The following STXBP5L variants were observed in gnomAD, a reference collection of about 807,000 sequenced individuals.
STXBP5L encodes the protein syntaxin-binding protein 5-like.
A neutral mutation model predicts 144.5 loss-of-function variants in STXBP5L; 65 were observed. The observed-to-expected ratio is 0.45, with a 90% confidence interval of 0.37 to 0.55. The LOEUF is 0.55. Among genes scored for constraint, STXBP5L ranks in the 20% least tolerant of loss-of-function variants. STXBP5L has a pLI of 0.00. For missense variants in STXBP5L, 1,298 were observed against 1,405.5 expected (o/e 0.92, Z 1.22); for synonymous variants, 505 against 469.6 (o/e 1.08, Z -0.97).
intron 23 of STXBP5L, among the ~76,000 whole-genome samples, chr3:121,412,727 CAAA>C (rs35247157): frequency 3.3e-3 from 231 of 69,594 alleles, no homozygotes; most frequent in African/African-American, 0.013. Flanking sequence ...TTTCTCCCTC[CAAA>C]AAAAAAAAAA....
chr3:121,047,818 T>G (rs1947628260), intron 5 of STXBP5L, among the ~76,000 whole-genome samples: 1 of 152,212 alleles, frequency 6.6e-6, no homozygotes, highest in Non-Finnish European at 1.5e-5. Flanking sequence ...ACTCTGTGCC[T>G]TTTAATTGGA....
chr3:121,090,935 C>A (rs2042753529), intron 5 of STXBP5L, among the ~76,000 whole-genome samples: 1 of 123,248 alleles, frequency 8.1e-6, no homozygotes, highest in Non-Finnish European at 1.7e-5. Context: ...CCCCTCCCCC[C>A]ACCCCACAAC....
intron 3 of STXBP5L, among the ~76,000 whole-genome samples, chr3:121,026,555 G>A (rs1945958653): frequency 6.6e-6 from 1 of 152,034 alleles, no homozygotes; most frequent in Non-Finnish European, 1.5e-5. Flanking sequence ...GTGCTCAATG[G>A]TTTGGCAGTT....
chr3:121,036,744 C>T (rs1946777726), intron 3 of STXBP5L, among the ~76,000 whole-genome samples: 1 of 139,332 alleles, frequency 7.2e-6, no homozygotes, highest in South Asian at 2.3e-4. Flanking sequence ...GTTTTGTTTT[C>T]AGTTGATAGG....
At chr3:121,013,848 T>C (rs1227447834) in intron 3 of STXBP5L, among the ~76,000 whole-genome samples, 1 of 152,138 alleles carries the variant, frequency 6.6e-6, no homozygotes, top group Admixed American at 6.6e-5. Context: ...AGTTTCATTC[T>C]ACATATGGTT....
At chr3:120,974,219 T>G (rs1240281029) in intron 3 of STXBP5L, among the ~76,000 whole-genome samples, 1 of 152,176 alleles carries the variant, frequency 6.6e-6, no homozygotes, top group Non-Finnish European at 1.5e-5. Flanking sequence ...TCCTGACTTT[T>G]TAATGATTGC....
At chr3:121,254,575 G>A (rs1477353991) in intron 15 of STXBP5L, among the ~76,000 whole-genome samples, 1 of 152,094 alleles carries the variant, frequency 6.6e-6, no homozygotes, top group Admixed American at 6.6e-5. Flanking sequence ...TAGACTTTCT[G>A]TGCCCCAATA....
intron 3 of STXBP5L, among the ~76,000 whole-genome samples, chr3:121,031,989 C>T (rs1188500912): frequency 1.3e-5 from 2 of 152,002 alleles, no homozygotes; most frequent in Admixed American, 6.6e-5. Context: ...CAGTTTGTTA[C>T]GTGCTAAGTA....
intron 3 of STXBP5L, among the ~76,000 whole-genome samples, chr3:120,985,692 T>G (rs947033777): frequency 2.6e-5 from 4 of 152,044 alleles, no homozygotes; most frequent in African/African-American, 9.7e-5. Flanking sequence ...TTCTAGATTC[T>G]TCAGTTGGTT....
intron 20 of STXBP5L, among the ~76,000 whole-genome samples, chr3:121,364,005 T>A (rs2045792484): frequency 6.6e-6 from 1 of 152,218 alleles, no homozygotes. Context: ...ACTCTGTTGA[T>A]AGTGTCATTT....
intron 9 of STXBP5L, among the ~76,000 whole-genome samples, chr3:121,171,323 T>A (rs969629826): frequency 1.3e-5 from 2 of 152,136 alleles, no homozygotes; most frequent in African/African-American, 4.8e-5. Context: ...CTCTCACCAC[T>A]GCTATTCAAC....
chr3:121,316,446 A>T (rs2108526599), intron 19 of STXBP5L, among the ~76,000 whole-genome samples: 1 of 152,300 alleles, frequency 6.6e-6, no homozygotes, highest in South Asian at 2.1e-4. Context: ...TAACATATAC[A>T]TCATGCTTTC....
At chr3:120,988,411 T>G (rs903360214) in intron 3 of STXBP5L, among the ~76,000 whole-genome samples, 5 of 152,036 alleles carry the variant, frequency 3.3e-5, no homozygotes, top group African/African-American at 1.2e-4. Flanking sequence ...GGAAACCTTC[T>G]TCTTGTTTTG....
chr3:120,957,963 C>G (rs533530129), intron 3 of STXBP5L, among the ~76,000 whole-genome samples: 4 of 152,180 alleles, frequency 2.6e-5, no homozygotes, highest in South Asian at 4.2e-4. Context: ...ATCAACGAAT[C>G]CAGGAGCTGG....
intron 3 of STXBP5L, among the ~76,000 whole-genome samples, chr3:121,010,499 C>T (rs984093564): frequency 2.6e-5 from 4 of 151,418 alleles, no homozygotes; most frequent in African/African-American, 9.7e-5. Flanking sequence ...ACCATCAATC[C>T]TGGCAAGCAG....
At chr3:121,076,236 C>A (rs1320946755) in intron 5 of STXBP5L, among the ~76,000 whole-genome samples, 1 of 152,160 alleles carries the variant, frequency 6.6e-6, no homozygotes, top group Non-Finnish European at 1.5e-5. Flanking sequence ...GCTTTTCAGG[C>A]AAGGGCTCTG....
At chr3:121,010,157 A>G (rs7642063) in intron 3 of STXBP5L, among the ~76,000 whole-genome samples, 15,051 of 151,818 alleles carry the variant, frequency 0.099, 1,176 homozygotes, top group Admixed American at 0.2. Context: ...ATAGTGTTTT[A>G]AGTCTCCAAG....
At chr3:121,210,067 C>G (rs1165847598) in intron 10 of STXBP5L, among the ~76,000 whole-genome samples, 1 of 152,142 alleles carries the variant, frequency 6.6e-6, no homozygotes, top group African/African-American at 2.4e-5. Flanking sequence ...AAAAGTGTTC[C>G]TATTTCTCCA....
At chr3:120,970,579 T>C (rs560502994) in intron 3 of STXBP5L, among the ~76,000 whole-genome samples, 2 of 152,244 alleles carry the variant, frequency 1.3e-5, no homozygotes, top group East Asian at 3.9e-4. Flanking sequence ...GATGTTTCTT[T>C]TCTTTTGTTG....
Sources: gnomAD v4.1 joint callset for allele counts (sites outside exome capture counted in the v4.1 genomes callset) on GRCh38, gnomAD v4.1.1 for gene constraint, MANE v1.5 for transcripts, NCBI Gene and HGNC (gene_info 2026-07-23, HGNC 2026-07-21) for gene names.